Variants in RASAL2 observed in about 807,000 individuals in gnomAD.
The protein encoded by RASAL2 is RAS protein activator like 2, also known as ras GTPase-activating protein nGAP.
A neutral mutation model predicts 128.9 loss-of-function variants in RASAL2; 58 were observed. The observed-to-expected ratio is 0.45, with a 90% confidence interval of 0.36 to 0.56. The LOEUF (loss-of-function observed/expected upper bound fraction) is 0.56, where lower values mean the gene tolerates loss of function less well. RASAL2 is among the 20% of genes least tolerant of loss of function. RASAL2 has a pLI of 0.00. For missense variants in RASAL2, 1,360 were observed against 1,601.6 expected, an observed-to-expected ratio of 0.85 and a Z score of 2.57; for synonymous variants, 561 against 580.8, an observed-to-expected ratio of 0.97 and a Z score of 0.49.
intron 3 of RASAL2, among the ~76,000 whole-genome samples, chr1:178,305,275 C>G (rs1571821966): frequency 6.6e-6 from 1 of 152,246 alleles, no homozygotes; most frequent in East Asian, 1.9e-4. Flanking sequence ...CAATGACATT[C>G]TTCACAGAAA....
chr1:178,457,082 T>C (rs1211559990), intron 13 of RASAL2, among the ~76,000 whole-genome samples, 183 bp downstream of exon 13: 1 of 152,236 alleles, frequency 6.6e-6, no homozygotes, highest in East Asian at 1.9e-4. Flanking sequence ...TGACTTATTT[T>C]CTAGAATGGT....
At chr1:178,103,245 G>A (rs1361999715) in intron 1 of RASAL2, among the ~76,000 whole-genome samples, 1 of 151,764 alleles carries the variant, frequency 6.6e-6, no homozygotes, top group African/African-American at 2.4e-5. Flanking sequence ...TTGTAAAGAG[G>A]TACCTCATTC....
chr1:178,331,994 C>A (rs1669343475), intron 3 of RASAL2, among the ~76,000 whole-genome samples: 1 of 152,098 alleles, frequency 6.6e-6, no homozygotes, highest in African/African-American at 2.4e-5. Flanking sequence ...GTACAATATA[C>A]TTTCAGCATT....
chr1:178,248,664 T>G (rs1664900886), intron 1 of RASAL2, among the ~76,000 whole-genome samples: 1 of 152,226 alleles, frequency 6.6e-6, no homozygotes, highest in Non-Finnish European at 1.5e-5. Flanking sequence ...TTGTTATGTT[T>G]TTGCAGTAAT....
chr1:178,403,866 AAAAT>A (rs1421704437), intron 4 of RASAL2, among the ~76,000 whole-genome samples: 2 of 152,194 alleles, frequency 1.3e-5, no homozygotes, highest in Non-Finnish European at 2.9e-5. Context: ...GCGTGACAAA[AAAAT>A]AAAAAAATTA....
chr1:178,340,841 C>T (rs1262000310), intron 3 of RASAL2, among the ~76,000 whole-genome samples: 1 of 152,078 alleles, frequency 6.6e-6, no homozygotes, highest in East Asian at 1.9e-4. Flanking sequence ...CTATATAATA[C>T]AGAGTCCATA....
At chr1:178,348,746 G>C (rs949994904) in intron 3 of RASAL2, among the ~76,000 whole-genome samples, 2 of 151,482 alleles carry the variant, frequency 1.3e-5, no homozygotes, top group Non-Finnish European at 2.9e-5. Flanking sequence ...TTCTGTAAAA[G>C]TCCTTTTTTG....
At chr1:178,184,797 A>T (rs967303890) in intron 1 of RASAL2, among the ~76,000 whole-genome samples, 1 of 152,026 alleles carries the variant, frequency 6.6e-6, no homozygotes, top group African/African-American at 2.4e-5. Context: ...TGGTTATTCT[A>T]GGTCTTTTCC....
intron 3 of RASAL2, among the ~76,000 whole-genome samples, chr1:178,380,869 G>T (rs1672245807): frequency 1.3e-5 from 2 of 152,108 alleles, no homozygotes; most frequent in South Asian, 2.1e-4. Context: ...CAGGAATATA[G>T]TTTAGTTTGG....
chr1:178,110,214 G>C (rs1659245356), intron 1 of RASAL2, among the ~76,000 whole-genome samples: 1 of 151,926 alleles, frequency 6.6e-6, no homozygotes, highest in Non-Finnish European at 1.5e-5. Context: ...CCTAACACTA[G>C]ACAGCTACTA....
At chr1:178,306,948 G>A (rs1478431436) in intron 3 of RASAL2, among the ~76,000 whole-genome samples, 4 of 151,356 alleles carry the variant, frequency 2.6e-5, no homozygotes, top group Non-Finnish European at 4.4e-5. Flanking sequence ...GCAGCAGCAT[G>A]GCACATGTAT....
chr1:178,471,307 T>A (rs1648244839), intron 17 of RASAL2, among the ~76,000 whole-genome samples: 1 of 152,168 alleles, frequency 6.6e-6, no homozygotes, highest in South Asian at 2.1e-4. Context: ...CTCTTACCTC[T>A]TGTTTTCTAG....
At chr1:178,100,828 A>C (rs1429794679) in intron 1 of RASAL2, among the ~76,000 whole-genome samples, 1 of 152,190 alleles carries the variant, frequency 6.6e-6, no homozygotes, top group Non-Finnish European at 1.5e-5. Flanking sequence ...AATGACAGTT[A>C]ATTCAGAAAA....
chr1:178,458,233 C>A lies in RASAL2; in HGVS notation c.2941C>A (p.Gln981Lys). ...GGAAGATTTCACTAAACGTAGCACT[C>A]AGAGTGAGGACTTCTCCAGGCGGCA... ...SMEDFTKRST[Q>K]SEDFSRRHTV... The change falls in exon 14 of 18, where the codon CAG becomes AAG. Residue 981 changes from glutamine to lysine, a missense_variant. This residue lies in a region of RASAL2 where 741 missense variants were observed against 868.6 expected (regional missense o/e 0.85). Coordinates refer to ENST00000367649, the MANE Select transcript of RASAL2 (RefSeq NM_170692.4). 1 of 1,614,248 alleles carries A rather than the reference C, an allele frequency of 6.2e-7. No individual in the cohort carries two copies. Among genetic ancestry groups the A allele is most frequent in the South Asian group, 1.1e-5 (1 of 91,084 alleles).
intron 1 of RASAL2, among the ~76,000 whole-genome samples, chr1:178,165,225 A>G (rs1473567240): frequency 6.6e-6 from 1 of 152,108 alleles, no homozygotes; most frequent in Non-Finnish European, 1.5e-5. Context: ...AGTTACACAT[A>G]TATGTGTATA....
intron 3 of RASAL2, among the ~76,000 whole-genome samples, chr1:178,379,945 A>G (rs1415462718): frequency 1.3e-5 from 2 of 152,230 alleles, no homozygotes; most frequent in Non-Finnish European, 2.9e-5. Flanking sequence ...CACTCTTGTC[A>G]GTCAAGCCCT....
intron 1 of RASAL2, among the ~76,000 whole-genome samples, chr1:178,258,408 A>G (rs1665490143): frequency 2.0e-5 from 3 of 152,186 alleles, no homozygotes; most frequent in Admixed American, 2.0e-4. Flanking sequence ...AAAAACTCTT[A>G]CATCTCAATA....
intron 1 of RASAL2, among the ~76,000 whole-genome samples, chr1:178,203,313 C>T (rs1662936056): frequency 6.6e-6 from 1 of 152,198 alleles, no homozygotes; most frequent in Non-Finnish European, 1.5e-5. Context: ...TGTTCCTCAT[C>T]ATCCTGAAGC....
At chr1:178,251,397 ACTCC>A (rs1036112426) in intron 1 of RASAL2, among the ~76,000 whole-genome samples, 2 of 152,100 alleles carry the variant, frequency 1.3e-5, no homozygotes, top group African/African-American at 2.4e-5. Flanking sequence ...CCGTTAGAAC[ACTCC>A]CTTTTGTGAT....
Sources: allele counts gnomAD v4.1 joint callset (sites outside exome capture counted in the v4.1 genomes callset), GRCh38; gene constraint gnomAD v4.1.1; regional missense constraint gnomAD v4.1.1; transcripts MANE v1.5; gene names NCBI Gene and HGNC (gene_info 2026-07-23, HGNC 2026-07-21).